Variants in DGKD observed in about 807,000 individuals in gnomAD.
DGKD encodes the protein DAG kinase delta.
DGKD carries 68 observed loss-of-function variants against 154.4 expected under a neutral mutation model. That is an observed-to-expected ratio of 0.44 (90% confidence interval 0.36 to 0.54). The LOEUF (loss-of-function observed/expected upper bound fraction) is 0.54. Among genes scored for constraint, DGKD ranks in the 20% least tolerant of loss-of-function variants. DGKD has a pLI of 0.00. For missense variants in DGKD, 1,343 were observed against 1,593.6 expected, an observed-to-expected ratio of 0.84 and a Z score of 2.68; for synonymous variants, 693 against 638.0, an observed-to-expected ratio of 1.09 and a Z score of -1.30.
In DGKD at chr2:233,434,776, A is replaced by T. The variant is rs1467963630; in HGVS notation, c.461A>T (p.Gln154Leu). Residue 154 changes from glutamine (Q) to leucine (L), a missense_variant, in exon 5 of 30, where the codon CAG becomes CTG. Gln to Leu is a moderately radical substitution (Grantham distance 113). Transcript: ENST00000264057. The part of the protein sequence containing the change: ...VQNREHFEPT[Q>L]YSMDHFSGMH... The stretch of plus-strand genomic sequence containing the variant: ...TTGGTTTCGTTCTTCCAGCCCACCC[A>T]GTACAGCATGGACCACTTCTCAGGG... 1.9e-6 allele frequency: 3 copies of T among 1,612,358 alleles called. No individual in the cohort carries two copies. The Admixed American group carries it at 5.0e-5, about 27-fold the overall frequency.
intron 1 of DGKD, chr2:233,386,107 G>T: frequency 2.6e-6 from 1 of 378,160 alleles, no homozygotes; most frequent in Non-Finnish European, 5.4e-6. Flanking sequence ...TCCAGCATCT[G>T]TCCTTTAAAG....
chr2:233,372,091 C>T (rs530211124), intron 1 of DGKD, among the ~76,000 whole-genome samples: 2 of 152,130 alleles, frequency 1.3e-5, no homozygotes, highest in East Asian at 3.9e-4. Context: ...GTATGATCTC[C>T]GTTCACTGCA....
At chr2:233,429,522 A>C (rs1291118657) in intron 3 of DGKD, among the ~76,000 whole-genome samples, 1 of 152,002 alleles carries the variant, frequency 6.6e-6, no homozygotes, top group African/African-American at 2.4e-5. Flanking sequence ...CTCAGGGCCC[A>C]CTTTGTCGTC....
At chr2:233,371,016 T>G (rs1702295630) in intron 1 of DGKD, among the ~76,000 whole-genome samples, 1 of 152,116 alleles carries the variant, frequency 6.6e-6, no homozygotes, top group South Asian at 2.1e-4. Flanking sequence ...CCTCCCAGAG[T>G]GCTGGGATTA....
At chr2:233,412,434 A>T (rs2061851872) in intron 3 of DGKD, among the ~76,000 whole-genome samples, 2 of 152,206 alleles carry the variant, frequency 1.3e-5, no homozygotes, top group Admixed American at 1.3e-4. Context: ...CTAATATATA[A>T]GAATACAGTG....
chr2:233,462,399 C>T lies in DGKD; in HGVS notation c.3033C>T (p.His1011=), dbSNP rs754193638. ...GGGACATGGAGCAGGAACTGGCCCA[C>T]GCCGTCAATGCCAGCTCCAAGTCCA... ...SHRDMEQELA[H]AVNASSKSMD... is the part of the protein sequence containing the mutation. The change falls in exon 25 of 30, where the codon CAC becomes CAT. Residue 1011 remains histidine, a synonymous_variant. Coordinates refer to ENST00000264057, the MANE Select transcript of DGKD (RefSeq NM_152879.3). 54 of 1,604,826 alleles carry T rather than the reference C, an allele frequency of 3.4e-5. No homozygotes were observed. The Middle Eastern group carries it at 8.2e-4, about 24-fold the overall frequency.
chr2:233,450,795 C>G (rs764209375), intron 16 of DGKD, 127 bp from the exon 17 acceptor site: 63 of 1,223,462 alleles, frequency 5.1e-5, no homozygotes, highest in Non-Finnish European at 7.0e-5. Flanking sequence ...ACACACTTCA[C>G]GCAACTGCCT....
intron 3 of DGKD, among the ~76,000 whole-genome samples, chr2:233,418,332 A>G (rs2062014107): frequency 6.6e-6 from 1 of 152,116 alleles, no homozygotes; most frequent in Non-Finnish European, 1.5e-5. Context: ...TTTCATGGGT[A>G]ATAATATTCC....
chr2:233,448,154 A>G lies in DGKD; in HGVS notation c.1487A>G (p.Gln496Arg), dbSNP rs1208546856. 2 of 1,613,850 alleles carry G rather than the reference A, an allele frequency of 1.2e-6. No homozygotes were observed. The highest frequency in any genetic ancestry group is 1.7e-6 in the Non-Finnish European group (2 of 1,179,886). Residue 496 changes from glutamine (Q) to arginine (R), a missense_variant, in exon 13 of 30, where the codon CAG (glutamine) becomes CGG (arginine). Transcript: ENST00000264057. ...CTTTCTAAAATCCTCACCTCGGACC[A>G]GCACTCGGTGGTCATCTCCTCGGCC... ...AHLSKILTSD[Q>R]HSVVISSAKV...
At chr2:233,424,404 T>G (rs528114723) in intron 3 of DGKD, among the ~76,000 whole-genome samples, 1 of 152,312 alleles carries the variant, frequency 6.6e-6, no homozygotes, top group South Asian at 2.1e-4. Flanking sequence ...CCACCTTCTA[T>G]TTTGAACTCT....
At chr2:233,437,743 G>A (rs1012336334) in intron 8 of DGKD, among the ~76,000 whole-genome samples, 1 of 152,144 alleles carries the variant, frequency 6.6e-6, no homozygotes, top group Non-Finnish European at 1.5e-5. Flanking sequence ...GCTTAGACAG[G>A]CCTGAGACCC....
Position 233,471,146 on chromosome 2 carries a change from A to T in DGKD, c.*1686A>T, listed in dbSNP as rs2124985444. The T allele has an allele frequency of 6.6e-6, 1 of 152,362 alleles. No homozygotes were observed. The highest frequency in any genetic ancestry group is 1.5e-5 in the Non-Finnish European group (1 of 68,034). 9.4% of individuals were successfully genotyped at this position (152,362 alleles called of 1,614,324 possible). On this transcript the variant is annotated 3_prime_UTR_variant, in exon 30 of 30. Transcript: ENST00000264057. ...GGTCGTTCTGGCCCGAGGCCCTTAG[A>T]GTATGGAGGCTGAGCCAGGCCTTGG...
At chr2:233,364,780 A>C (rs536465168) in intron 1 of DGKD, among the ~76,000 whole-genome samples, 27 of 152,356 alleles carry the variant, frequency 1.8e-4, no homozygotes, top group African/African-American at 6.3e-4. Flanking sequence ...GTCAGTAATC[A>C]CATTAAATCT....
intron 10 of DGKD, chr2:233,442,587 AC>A (rs1267838452): frequency 5.8e-6 from 1 of 173,258 alleles, no homozygotes; most frequent in African/African-American, 2.4e-5. Context: ...CTATTCTGTT[AC>A]TGCTTTTGTT....
At chr2:233,386,609 C>T (rs1342791925) in intron 1 of DGKD, among the ~76,000 whole-genome samples, 2 of 152,078 alleles carry the variant, frequency 1.3e-5, no homozygotes, top group African/African-American at 2.4e-5. Flanking sequence ...AATGCTTGAT[C>T]GTTGGATAAT....
chr2:233,440,140 G>A lies in DGKD; in HGVS notation c.1086-1747G>A, dbSNP rs895421647. 6.6e-5 allele frequency among the ~76,000 whole-genome samples: 10 copies of A among 152,136 alleles called. No individual in the cohort carries two copies. The highest frequency in any genetic ancestry group is 2.2e-4 in the African/African-American group (9 of 41,416). ...GGATGATTTAGGAAGCCCCCACAGC[G>A]GCGTAAGGGGAGTTGAGTCGTCATT... On this transcript the variant is annotated intron_variant, in intron 9 of 29. Coordinates refer to ENST00000264057, the MANE Select transcript of DGKD (RefSeq NM_152879.3). This position sits in a 1 kb window ranked among gnomAD's most constrained non-coding sequence, Gnocchi z 4.9.
chr2:233,432,802 C>G (rs2125584544), intron 3 of DGKD, among the ~76,000 whole-genome samples: 1 of 152,228 alleles, frequency 6.6e-6, no homozygotes, highest in Non-Finnish European at 1.5e-5. Flanking sequence ...AGACATTTCT[C>G]AAAAGAAGAC....
intron 3 of DGKD, among the ~76,000 whole-genome samples, chr2:233,394,742 G>A (rs1298938378): frequency 1.0e-5 from 1 of 99,540 alleles, no homozygotes; most frequent in African/African-American, 3.7e-5. Context: ...GGCTCTTGCT[G>A]TGTTGCTCAG....
intron 27 of DGKD, 25 bp from the exon 28 acceptor site, chr2:233,467,061 C>G (rs1244613619): frequency 6.4e-7 from 1 of 1,571,504 alleles, no homozygotes. Flanking sequence ...GCCTGATTCT[C>G]AGTATTCCTC....
Sources: allele counts gnomAD v4.1 joint callset (sites outside exome capture counted in the v4.1 genomes callset), GRCh38; gene constraint gnomAD v4.1.1; non-coding constraint Gnocchi (gnomAD v3.1); transcripts MANE v1.5; gene names NCBI Gene and HGNC (gene_info 2026-07-23, HGNC 2026-07-21).